GRAMD4: variants seen among roughly 807,000 people sequenced by gnomAD.
The protein encoded by GRAMD4 is GRAM domain containing 4, also known as GRAM domain-containing protein 4.
A neutral mutation model predicts 83.9 loss-of-function variants in GRAMD4; 25 were observed. That is an observed-to-expected ratio of 0.30 (90% confidence interval 0.22 to 0.42). The LOEUF is 0.42. Among genes scored for constraint, GRAMD4 ranks in the 10% least tolerant of loss-of-function variants. The pLI is 1.00. For synonymous variants in GRAMD4, 336 were observed against 320.9 expected (o/e 1.05, Z -0.50); for missense variants, 593 against 788.7 (o/e 0.75, Z 2.97).
chr22:46,618,289 G>T (rs943795223), upstream of GRAMD4, among the ~76,000 whole-genome samples: 1 of 152,104 alleles, frequency 6.6e-6, no homozygotes, highest in Admixed American at 6.6e-5. This position sits in a 1 kb window ranked among gnomAD's most constrained non-coding sequence, Gnocchi z 5.8. Flanking sequence ...AGCACCAGGC[G>T]GGTTCTAACC....
chr22:46,614,559 A>G (rs547235726), intron 1 of GRAMD4, among the ~76,000 whole-genome samples: 1 of 152,338 alleles, frequency 6.6e-6, no homozygotes, highest in South Asian at 2.1e-4. Flanking sequence ...CAAAAACACC[A>G]GCCAGCATCC....
upstream of GRAMD4, among the ~76,000 whole-genome samples, chr22:46,616,066 CCG>C: frequency 7.5e-6 from 1 of 134,112 alleles, no homozygotes; most frequent in Admixed American, 7.8e-5. Flanking sequence ...GTCGGTTCCC[CCG>C]TGTGTAGGTT....
intron 4 of GRAMD4, among the ~76,000 whole-genome samples, chr22:46,661,172 A>G (rs1324682285): frequency 6.6e-6 from 1 of 152,170 alleles, no homozygotes; most frequent in Non-Finnish European, 1.5e-5. Context: ...TTGTTTAAAA[A>G]CAAAACGTGT....
intron 1 of GRAMD4, among the ~76,000 whole-genome samples, chr22:46,598,669 G>A (rs559557657): frequency 1.3e-4 from 20 of 152,112 alleles, no homozygotes; most frequent in African/African-American, 3.9e-4. Flanking sequence ...TTAGAATGTG[G>A]GGAGACCCTG....
chr22:46,607,372 C>T (rs1485144730), intron 1 of GRAMD4, among the ~76,000 whole-genome samples: 3 of 152,140 alleles, frequency 2.0e-5, no homozygotes, highest in Non-Finnish European at 2.9e-5. Flanking sequence ...TAATAATAGT[C>T]GCCAATAGTT....
At position 46,622,640 on chromosome 22, in the gene GRAMD4, A is replaced by C. The variant is rs2081591572; in HGVS notation, c.-50+2075A>C. On this transcript the variant is annotated intron_variant, in intron 1 of 18. Coordinates refer to ENST00000406902, the MANE Select transcript of GRAMD4 (RefSeq NM_015124.5). The surrounding 1 kb of genome is among the most constrained non-coding windows in gnomAD (Gnocchi z 4.0). ...AAAAACTGGTGAAGTTGGGCTGAGC[A>C]CGGCGGCTCACGCCTGTAATCCCAG... is the stretch of plus-strand genomic sequence containing the variant. Among the ~76,000 whole-genome samples, 1 of 152,160 alleles carries C rather than the reference A, an allele frequency of 6.6e-6. No individual in the cohort carries two copies.
chr22:46,643,716 A>G (rs1394810175), intron 3 of GRAMD4, among the ~76,000 whole-genome samples: 1 of 152,130 alleles, frequency 6.6e-6, no homozygotes, highest in African/African-American at 2.4e-5. Context: ...ACTGTCCTCA[A>G]TTTGGGTTTG....
At chr22:46,667,814 C>A (rs1295099695) in intron 10 of GRAMD4, among the ~76,000 whole-genome samples, 2 of 152,238 alleles carry the variant, frequency 1.3e-5, no homozygotes, top group African/African-American at 4.8e-5. Context: ...GGGAGGGCAG[C>A]TGTGAAGGTG....
chr22:46,648,014 GC>G (rs2082095884), intron 3 of GRAMD4, among the ~76,000 whole-genome samples: 1 of 152,262 alleles, frequency 6.6e-6, no homozygotes, highest in Non-Finnish European at 1.5e-5. Context: ...AAGGGCCTGG[GC>G]CCAGAGCCTG....
chr22:46,673,870 G>T (rs1053411457), intron 15 of GRAMD4, 56 bp downstream of exon 15: 6 of 1,588,760 alleles, frequency 3.8e-6, no homozygotes, highest in East Asian at 2.2e-5. Flanking sequence ...CTGAAGGCCC[G>T]TGAGGGGGGC....
intron 2 of GRAMD4, among the ~76,000 whole-genome samples, chr22:46,634,377 G>T (rs1318097162): frequency 6.6e-6 from 1 of 152,252 alleles, no homozygotes; most frequent in Non-Finnish European, 1.5e-5. Context: ...GAAACCTAAG[G>T]AAGGGGAGAC....
upstream of GRAMD4, chr22:46,620,230 T>C (rs1436965451): frequency 1.2e-6 from 1 of 835,560 alleles, no homozygotes; most frequent in African/African-American, 1.8e-5. The surrounding 1 kb of genome is among the most constrained non-coding windows in gnomAD (Gnocchi z 4.7). Context: ...AATTCAGCGG[T>C]TTCCAGAGCA....
upstream of GRAMD4, among the ~76,000 whole-genome samples, chr22:46,619,395 G>GGTAC (rs1173411641): frequency 6.6e-6 from 1 of 152,150 alleles, no homozygotes; most frequent in African/African-American, 2.4e-5. Flanking sequence ...GGAGTGCAGT[G>GGTAC]GTACGATCGT....
At position 46,677,972 on chromosome 22, in the gene GRAMD4, A is replaced by T. The variant is rs2082623793; in HGVS notation, c.*721A>T. ...CAGGGCGCTCAGCACCGCGTCTGTA[A>T]GGGCCTGCCTGCTGCTCTCGGCCTG... On this transcript the variant is annotated 3_prime_UTR_variant, in exon 19 of 19. Coordinates refer to ENST00000406902, the MANE Select transcript of GRAMD4 (RefSeq NM_015124.5). The T allele has an allele frequency of 3.0e-6, 3 of 985,212 alleles. No individual in the cohort carries two copies. Among genetic ancestry groups the T allele is most frequent in the African/African-American group, 1.7e-5 (1 of 57,254 alleles). The allele number at this position is 985,212 out of a possible 1,614,324, so 61.0% of individuals were successfully genotyped here.
chr22:46,639,493 C>T (rs184262403), intron 3 of GRAMD4, among the ~76,000 whole-genome samples: 1 of 143,960 alleles, frequency 6.9e-6, no homozygotes, highest in Admixed American at 6.9e-5. Flanking sequence ...AGTGGTTAAC[C>T]CTGTGTTTGT....
intron 2 of GRAMD4, among the ~76,000 whole-genome samples, chr22:46,628,809 A>C (rs2081718399): frequency 6.6e-6 from 1 of 152,244 alleles, no homozygotes; most frequent in East Asian, 1.9e-4. Context: ...GGTCAGTGTC[A>C]GAGCTGGCCG....
chr22:46,673,063 C>T (rs1362888349), intron 14 of GRAMD4, 66 bp downstream of exon 14: 7 of 1,307,532 alleles, frequency 5.4e-6, no homozygotes, highest in Non-Finnish European at 7.3e-6. Context: ...ATCCCCAGGC[C>T]CACAGTGCTC....
chr22:46,660,990 G>T lies in GRAMD4; in HGVS notation c.405-391G>T, dbSNP rs1221893235. ...GGAGCTGGGTACAGGCTGCTGACAG[G>T]TGGCACCCAGCCTGTGGCCTGGCTT... is the stretch of plus-strand genomic sequence containing the variant. On this transcript the variant is annotated intron_variant, in intron 4 of 18. Transcript: ENST00000406902. Among the ~76,000 whole-genome samples the T allele has an allele frequency of 2.0e-5, 3 of 152,200 alleles. No individual in the cohort carries two copies. In the East Asian group the frequency reaches 5.8e-4, roughly 29 times the overall value.
chr22:46,616,859 TA>T (rs1219436111), upstream of GRAMD4, among the ~76,000 whole-genome samples: 331 of 24,816 alleles, frequency 0.013, 94 homozygotes, highest in East Asian at 0.31. Flanking sequence ...CCCCTGTGTG[TA>T]GGTTCCCCCG....
Sources: allele counts gnomAD v4.1 joint callset (sites outside exome capture counted in the v4.1 genomes callset), GRCh38; gene constraint gnomAD v4.1.1; non-coding constraint Gnocchi (gnomAD v3.1); transcripts MANE v1.5; gene names NCBI Gene and HGNC (gene_info 2026-07-23, HGNC 2026-07-21).